Variants in NINJ2 observed in about 807,000 individuals in gnomAD.
NINJ2 encodes the protein ninjurin 2.
Under a neutral mutation model 11.7 loss-of-function variants are expected in NINJ2, and 12 were observed. That is an observed-to-expected ratio of 1.02 (90% CI 0.66 to 1.66). NINJ2 has a LOEUF of 1.66. Ranked by LOEUF, NINJ2 falls within the 40% of genes most tolerant of loss-of-function variation. The pLI is 0.00. For missense variants in NINJ2, 187 were observed against 181.8 expected (o/e 1.03, Z -0.16); for synonymous variants, 93 against 76.8 (o/e 1.21, Z -1.10).
chr12:615,167 G>A lies in NINJ2; in HGVS notation c.33+48161C>T, dbSNP rs558269685. Among the ~76,000 whole-genome samples the A allele has an allele frequency of 2.0e-5, 3 of 152,278 alleles. No individual in the cohort carries two copies. The South Asian group carries it at 6.2e-4, about 32-fold the overall frequency. On this transcript the variant is annotated intron_variant, in intron 1 of 3. Coordinates refer to ENST00000305108, the MANE Select transcript of NINJ2 (RefSeq NM_016533.6). ...AGTGACTCTCAAAGGAGATATGCAC[G>A]CCCCATTAGGAAGCTACATCCAAAT...
In NINJ2 at chr12:566,198, G is replaced by A; in HGVS notation, c.34-20C>T. 6.3e-7 allele frequency: 1 copy of A among 1,597,080 alleles called. No individual in the cohort carries two copies. Among genetic ancestry groups the A allele is most frequent in the Non-Finnish European group, 8.6e-7 (1 of 1,167,232 alleles). On this transcript the variant is annotated intron_variant, in intron 1 of 3. Coordinates refer to ENST00000305108, the MANE Select transcript of NINJ2 (RefSeq NM_016533.6). ...TCCAGGCTGTAGGGGAGAAAGCACA[G>A]ACTTACCAAGGGGAGCTCTGGAAGG... is the stretch of plus-strand genomic sequence containing the variant.
At chr12:595,643 C>T (rs960409322) in intron 1 of NINJ2, among the ~76,000 whole-genome samples, 3 of 152,108 alleles carry the variant, frequency 2.0e-5, no homozygotes, top group Non-Finnish European at 4.4e-5. Context: ...ATCCCAGTTA[C>T]TCGGGAGGCT....
chr12:597,790 G>C (rs1022514704), intron 1 of NINJ2, among the ~76,000 whole-genome samples: 1 of 152,210 alleles, frequency 6.6e-6, no homozygotes, highest in African/African-American at 2.4e-5. Context: ...AGTGTCGCAG[G>C]AGCCTGCACC....
At chr12:583,602 C>T (rs1947589638) in intron 1 of NINJ2, among the ~76,000 whole-genome samples, 1 of 152,262 alleles carries the variant, frequency 6.6e-6, no homozygotes, top group Admixed American at 6.5e-5. Flanking sequence ...TTGGCCCAGC[C>T]TTGCCCATGC....
intron 1 of NINJ2, among the ~76,000 whole-genome samples, chr12:609,993 G>A (rs1156692085): frequency 7.3e-6 from 1 of 136,552 alleles, no homozygotes; most frequent in Non-Finnish European, 1.5e-5. Flanking sequence ...GTTTGACCAT[G>A]GAAGGTCACA....
Position 635,178 on chromosome 12 carries a change from T to C in NINJ2, c.33+28150A>G, listed in dbSNP as rs142877243. 8.4e-3 allele frequency among the ~76,000 whole-genome samples: 1,274 copies of C among 152,146 alleles called. 9 individuals carry two copies. The highest frequency in any genetic ancestry group is 0.014 in the Non-Finnish European group (946 of 67,992). On this transcript the variant is annotated intron_variant, in intron 1 of 3. Coordinates refer to ENST00000305108, the MANE Select transcript of NINJ2 (RefSeq NM_016533.6). The stretch of plus-strand genomic sequence containing the variant: ...AAGTGATCCTCCTGCCTCAGCCTCC[T>C]GAGTAGCTGGGATTACTGGCACGTG...
intron 1 of NINJ2, among the ~76,000 whole-genome samples, chr12:606,175 A>T (rs1374441803): frequency 1.3e-5 from 2 of 152,156 alleles, no homozygotes; most frequent in African/African-American, 4.8e-5. Context: ...CCCAGCCAAT[A>T]TTCTATTTCA....
At chr12:629,896 A>AAATATAT in intron 1 of NINJ2, among the ~76,000 whole-genome samples, 159 of 9,886 alleles carry the variant, frequency 0.016, 10 homozygotes, top group African/African-American at 0.023. Flanking sequence ...AAAAAAAAAA[A>AAATATAT]ATATATATAT....
At chr12:603,580 T>C (rs946215154) in intron 1 of NINJ2, among the ~76,000 whole-genome samples, 21 of 152,266 alleles carry the variant, frequency 1.4e-4, no homozygotes, top group Non-Finnish European at 3.1e-4. Flanking sequence ...TTTTTGCACA[T>C]GGTATGAGGT....
At position 587,642 on chromosome 12, in the gene NINJ2, C is replaced by T. The variant is rs372549973; in HGVS notation, c.34-21464G>A. Among the ~76,000 whole-genome samples the T allele has an allele frequency of 1.5e-3, 227 of 152,248 alleles. 2 individuals are homozygous for T. The highest frequency in any genetic ancestry group is 5.3e-3 in the African/African-American group (222 of 41,546). Reference sequence around the variant, plus strand: ...GGCCTCTGACCACTCTCCATCTCACCCTGCCCAGCGCTGAGCCATTCTTCC... The same window carrying T: ...GGCCTCTGACCACTCTCCATCTCACTCTGCCCAGCGCTGAGCCATTCTTCC... On this transcript the variant is annotated intron_variant, in intron 1 of 3. Transcript: ENST00000305108.
At position 591,417 on chromosome 12, in the gene NINJ2, T is replaced by C. The variant is rs1417066985; in HGVS notation, c.34-25239A>G. ...CCCAGCTGCACACACGTCAACAACC[T>C]GGGGCTGTGCGCTCTCCTGATGCAA... On this transcript the variant is annotated intron_variant, in intron 1 of 3. Coordinates refer to ENST00000305108, the MANE Select transcript of NINJ2 (RefSeq NM_016533.6). The surrounding 1 kb of genome is among the most constrained non-coding windows in gnomAD (Gnocchi z 5.0). 6.6e-6 allele frequency: 1 copy of C among 152,286 alleles called. No homozygotes were observed. Among genetic ancestry groups the C allele is most frequent in the Non-Finnish European group, 1.5e-5 (1 of 68,148 alleles). 9.4% of individuals were successfully genotyped at this position (152,286 alleles called of 1,614,324 possible). A position where few individuals can be genotyped will look rare whatever the true frequency, so the allele number is the denominator to read the frequency against.
chr12:566,267 C>T (rs1592065132), intron 1 of NINJ2, 89 bp from the exon 2 acceptor site: 2 of 1,081,810 alleles, frequency 1.8e-6, no homozygotes, highest in African/African-American at 1.6e-5. Flanking sequence ...TTTTAAAGCT[C>T]TTTCCAATCC....
chr12:571,729 C>T (rs1032078939), intron 1 of NINJ2, among the ~76,000 whole-genome samples: 5 of 152,158 alleles, frequency 3.3e-5, no homozygotes, highest in Admixed American at 3.3e-4. Context: ...AAAGGAATGC[C>T]TTTTTTAACA....
In NINJ2 at chr12:649,531, G is replaced by GTGTATATATATATA. The variant is rs139452771; in HGVS notation, c.33+13796_33+13797insTATATATATATACA. 2.1e-4 allele frequency among the ~76,000 whole-genome samples: 27 copies of GTGTATATATATATA among 127,696 alleles called. No individual in the cohort carries two copies. The South Asian group carries it at 3.9e-3, about 18-fold the overall frequency. 83.8% of individuals were successfully genotyped at this position (127,696 alleles called of 152,430 possible). On this transcript the variant is annotated intron_variant, in intron 1 of 3. Coordinates refer to ENST00000305108, the MANE Select transcript of NINJ2 (RefSeq NM_016533.6). Reference sequence around the variant, plus strand: ...AGTGAATATGTGTGTGTGTATATGTGTATATATATATATATATATATAGTA... The same window carrying GTGTATATATATATA: ...AGTGAATATGTGTGTGTGTATATGTGTGTATATATATATATATATATATATATATATATATAGTA...
intron 1 of NINJ2, among the ~76,000 whole-genome samples, chr12:618,271 T>G (rs1291302219): frequency 1.1e-4 from 4 of 37,328 alleles, no homozygotes; most frequent in Admixed American, 3.3e-4. Context: ...GGTAATGAGG[T>G]GGGGGTGAGG....
At chr12:596,167 A>G (rs1947782420) in intron 1 of NINJ2, among the ~76,000 whole-genome samples, 1 of 152,234 alleles carries the variant, frequency 6.6e-6, no homozygotes, top group Non-Finnish European at 1.5e-5. Context: ...GATTTTCCCA[A>G]AAGAACTCAA....
intron 1 of NINJ2, among the ~76,000 whole-genome samples, chr12:579,037 G>A (rs562119255): frequency 6.6e-6 from 1 of 152,238 alleles, no homozygotes; most frequent in Non-Finnish European, 1.5e-5. Context: ...AGGACTTTCA[G>A]AACAATTAAT....
Position 577,416 on chromosome 12 carries a change from C to CATATATATAT in NINJ2, c.34-11248_34-11239dup, listed in dbSNP as rs536829310. ...ATAAGTTGAGAAGCAACACTAGTCT[C>CATATATATAT]ATATATATATATACATATATATATA... is the stretch of plus-strand genomic sequence containing the variant. On this transcript the variant is annotated intron_variant, in intron 1 of 3. Transcript: ENST00000305108. Among the ~76,000 whole-genome samples the CATATATATAT allele has an allele frequency of 2.2e-3, 271 of 121,244 alleles. 6 individuals are homozygous for CATATATATAT. The highest frequency in any genetic ancestry group is 3.0e-3 in the Non-Finnish European group (171 of 56,550). The allele number at this position is 121,244 out of a possible 152,430, so 79.5% of individuals were successfully genotyped here. A position where few individuals can be genotyped will look rare whatever the true frequency, so the allele number is the denominator to read the frequency against.
chr12:569,435 C>G (rs1457294917), intron 1 of NINJ2, among the ~76,000 whole-genome samples: 1 of 152,226 alleles, frequency 6.6e-6, no homozygotes, highest in Non-Finnish European at 1.5e-5. Context: ...TGCCCCCTGG[C>G]CTCCCTGCCC....
Sources: gnomAD v4.1 joint callset for allele counts (sites outside exome capture counted in the v4.1 genomes callset) on GRCh38, gnomAD v4.1.1 for gene constraint, Gnocchi (gnomAD v3.1) non-coding constraint, MANE v1.5 for transcripts, NCBI Gene and HGNC (gene_info 2026-07-23, HGNC 2026-07-21) for gene names.